BNC2: variants seen among roughly 807,000 people sequenced by gnomAD.
BNC2 encodes the protein zinc finger protein basonuclin-2.
Under a neutral mutation model 76.3 loss-of-function variants are expected in BNC2, and 20 were observed. The observed-to-expected ratio is 0.26, with a 90% CI of 0.18 to 0.38. The LOEUF is 0.38. BNC2 is among the 10% of genes least tolerant of loss of function. The probability of loss-of-function intolerance (pLI) is 1.00; values close to 1 mark genes in which losing one functional copy is unlikely to be tolerated. For missense variants in BNC2, 1,382 were observed against 1,399.8 expected (o/e 0.99, Z 0.20); for synonymous variants, 582 against 514.8 (o/e 1.13, Z -1.77).
At chr9:16,816,220 TC>T (rs1270964665) in intron 1 of BNC2, among the ~76,000 whole-genome samples, 2 of 152,252 alleles carry the variant, frequency 1.3e-5, no homozygotes, top group Admixed American at 1.3e-4. Context: ...AACACATTTA[TC>T]CCCCGTGTTT....
chr9:16,834,371 G>T (rs2136045508), intron 1 of BNC2, among the ~76,000 whole-genome samples: 1 of 152,250 alleles, frequency 6.6e-6, no homozygotes, highest in Admixed American at 6.5e-5. Context: ...CAATACTTTT[G>T]AAAACTGTAG....
intron 1 of BNC2, among the ~76,000 whole-genome samples, chr9:16,748,251 C>T (rs1053992335): frequency 2.6e-5 from 4 of 152,130 alleles, no homozygotes; most frequent in African/African-American, 7.2e-5. Context: ...TGATGGCTCA[C>T]GCTTGTAATC....
Position 16,509,216 on chromosome 9 carries a change from G to A in BNC2, c.669+43314C>T, listed in dbSNP as rs1034279861. 2.0e-5 allele frequency among the ~76,000 whole-genome samples: 3 copies of A among 152,160 alleles called. No homozygotes were observed. In the South Asian group the frequency reaches 6.2e-4, roughly 32 times the overall value. ...GCACAAGTCTCACCTTCTCCAGGAA[G>A]CTGTCAAAGAAAGCCACCTGGCTCT... On this transcript the variant is annotated intron_variant, in intron 5 of 6. Coordinates refer to ENST00000380672, the MANE Select transcript of BNC2 (RefSeq NM_017637.6).
intron 1 of BNC2, among the ~76,000 whole-genome samples, chr9:16,785,884 T>C (rs1190544326): frequency 6.6e-6 from 1 of 151,866 alleles, no homozygotes; most frequent in African/African-American, 2.4e-5. Flanking sequence ...AACACATTGC[T>C]GGGGCCTTTT....
At chr9:16,781,925 G>A (rs1363824924) in intron 1 of BNC2, among the ~76,000 whole-genome samples, 1 of 151,944 alleles carries the variant, frequency 6.6e-6, no homozygotes, top group Non-Finnish European at 1.5e-5. Flanking sequence ...GGAGAAAACT[G>A]GTAAGGATAT....
chr9:16,569,770 T>C (rs1819268867), intron 4 of BNC2, among the ~76,000 whole-genome samples: 1 of 152,214 alleles, frequency 6.6e-6, no homozygotes, highest in Non-Finnish European at 1.5e-5. Context: ...ATCTGCAAAT[T>C]TGACAGTAGA....
intron 1 of BNC2, among the ~76,000 whole-genome samples, chr9:16,815,641 C>G (rs2135896488): frequency 6.6e-6 from 1 of 152,262 alleles, no homozygotes; most frequent in African/African-American, 2.4e-5. Flanking sequence ...CTCTGGTTAA[C>G]CATAATAGGG....
At chr9:16,592,048 T>C (rs558824739) in intron 3 of BNC2, among the ~76,000 whole-genome samples, 12 of 152,186 alleles carry the variant, frequency 7.9e-5, no homozygotes, top group Non-Finnish European at 1.6e-4. Flanking sequence ...TACCATTGGT[T>C]TAAACTGCAG....
intron 5 of BNC2, among the ~76,000 whole-genome samples, chr9:16,484,235 G>T (rs1157552379): frequency 1.3e-5 from 2 of 152,194 alleles, no homozygotes; most frequent in African/African-American, 4.8e-5. Context: ...CAGCACAGTA[G>T]CTGGTGTAGG....
Position 16,585,951 on chromosome 9 carries a change from G to C in BNC2, c.331-2866C>G, listed in dbSNP as rs113311458. On this transcript the variant is annotated intron_variant, in intron 3 of 6. Transcript: ENST00000380672. Reference sequence around the variant, plus strand: ...ATGCAGGTATGCAGAAAGGAGCAGAGAGTTCAGTCAGAGTGTTCCCACCTA... The same window carrying C: ...ATGCAGGTATGCAGAAAGGAGCAGACAGTTCAGTCAGAGTGTTCCCACCTA... Among the ~76,000 whole-genome samples the C allele has an allele frequency of 2.0e-4, 30 of 152,216 alleles. 1 individual carries two copies. Among genetic ancestry groups the C allele is most frequent in the African/African-American group, 5.5e-4 (23 of 41,538 alleles).
At chr9:16,755,534 C>A (rs1036474886) in intron 1 of BNC2, among the ~76,000 whole-genome samples, 1 of 151,794 alleles carries the variant, frequency 6.6e-6, no homozygotes, top group Non-Finnish European at 1.5e-5. Context: ...AAGAGATGAC[C>A]CCCCCATCCT....
At chr9:16,458,605 G>A (rs931932128) in intron 5 of BNC2, among the ~76,000 whole-genome samples, 10 of 152,088 alleles carry the variant, frequency 6.6e-5, no homozygotes, top group Non-Finnish European at 1.0e-4. Context: ...AAAACAATCC[G>A]CCAACTACAT....
In BNC2 at chr9:16,412,262, T is replaced by C. The variant is rs940711666; in HGVS notation, c.*6727A>G. The C allele has an allele frequency of 6.5e-6, 1 of 152,706 alleles. No homozygotes were observed. The highest frequency in any genetic ancestry group is 2.1e-4 in the South Asian group (1 of 4,822). 9.5% of individuals were successfully genotyped at this position (152,706 alleles called of 1,614,324 possible). ...AAAGTTAATCTATCATGTTACACTA[T>C]GGATTTGGAGGGGTCATTGAAAGAT... On this transcript the variant is annotated 3_prime_UTR_variant, in exon 7 of 7. Coordinates refer to ENST00000380672, the MANE Select transcript of BNC2 (RefSeq NM_017637.6).
At chr9:16,458,976 C>T (rs528892096) in intron 5 of BNC2, among the ~76,000 whole-genome samples, 5 of 152,168 alleles carry the variant, frequency 3.3e-5, no homozygotes, top group Non-Finnish European at 7.3e-5. Context: ...TGAGGAGGGA[C>T]ATGGCAAAAG....
At chr9:16,476,482 G>A (rs749388082) in intron 5 of BNC2, among the ~76,000 whole-genome samples, 10 of 151,264 alleles carry the variant, frequency 6.6e-5, no homozygotes, top group Non-Finnish European at 1.2e-4. Flanking sequence ...TCAGACCTCT[G>A]CTCAAAGCTC....
At chr9:16,508,821 C>CTTTTTTTTTTTTTTTTTTTTTTT (rs386414529) in intron 5 of BNC2, among the ~76,000 whole-genome samples, 4 of 143,418 alleles carry the variant, frequency 2.8e-5, no homozygotes, top group Admixed American at 7.0e-5. Flanking sequence ...TTTTGCACAT[C>CTTTTTTTTTTTTTTTTTTTTTTT]TTTTTTTTTT....
chr9:16,609,068 C>A (rs1007629973), intron 3 of BNC2, among the ~76,000 whole-genome samples: 2 of 152,102 alleles, frequency 1.3e-5, no homozygotes, highest in Non-Finnish European at 2.9e-5. Context: ...GCAACATGGG[C>A]TGTTTGAATG....
intron 3 of BNC2, among the ~76,000 whole-genome samples, chr9:16,686,702 T>TCCC (rs1822988331): frequency 6.6e-6 from 1 of 152,200 alleles, no homozygotes; most frequent in Non-Finnish European, 1.5e-5. Flanking sequence ...AAAAGGTGCT[T>TCCC]CCCTCTTTCT....
chr9:16,759,555 A>C (rs1825491790), intron 1 of BNC2, among the ~76,000 whole-genome samples: 1 of 152,168 alleles, frequency 6.6e-6, no homozygotes. Context: ...GGAATACTAA[A>C]CATAGCTTGA....
Sources: gnomAD v4.1 joint callset for allele counts (sites outside exome capture counted in the v4.1 genomes callset) on GRCh38, gnomAD v4.1.1 for gene constraint, MANE v1.5 for transcripts, NCBI Gene and HGNC (gene_info 2026-07-23, HGNC 2026-07-21) for gene names.